AADAC: variants seen among roughly 807,000 people sequenced by gnomAD.
AADAC encodes arylacetamide deacetylase, also known as arylacetamide deacetylase (esterase).
A neutral mutation model predicts 22.7 loss-of-function variants in AADAC; 17 were observed. The ratio of observed to expected loss-of-function variants is 0.75; its 90% CI spans 0.51 to 1.12. The LOEUF is 1.12. Among genes scored for constraint, AADAC ranks in the 50% most tolerant of loss-of-function variants. The pLI is 0.00. For synonymous variants in AADAC, 167 were observed against 176.3 expected (o/e 0.95, Z 0.42); for missense variants, 465 against 473.9 (o/e 0.98, Z 0.17).
chr3:151,816,523 G>A (rs1272590059), intron 1 of AADAC, among the ~76,000 whole-genome samples: 1 of 151,960 alleles, frequency 6.6e-6, no homozygotes, highest in Non-Finnish European at 1.5e-5. Flanking sequence ...CTTGAGAAGA[G>A]CATTTGTCTG....
Position 151,820,467 on chromosome 3 carries a change from GT to G in AADAC, c.431+18del. The G allele has an allele frequency of 6.8e-7, 1 of 1,474,870 alleles. No individual in the cohort carries two copies. Among genetic ancestry groups the G allele is most frequent in the Non-Finnish European group, 9.1e-7 (1 of 1,096,544 alleles). 91.4% of individuals were successfully genotyped at this position (1,474,870 alleles called of 1,614,324 possible). ...GTATCAACCAAGTAAGAGCTGTGCT[GT>G]TTGGTTTCCTGGCCAGATGTCTGAC... On this transcript the variant is annotated intron_variant, in intron 3 of 4. Coordinates refer to ENST00000232892, the MANE Select transcript of AADAC (RefSeq NM_001086.3).
chr3:151,814,605 G>A (rs1231839835), intron 1 of AADAC, among the ~76,000 whole-genome samples: 2 of 151,970 alleles, frequency 1.3e-5, no homozygotes, highest in African/African-American at 2.4e-5. Context: ...CTTATCTTAG[G>A]TATGGTTTGT....
At chr3:151,827,280 A>G (rs1716538130) in intron 4 of AADAC, among the ~76,000 whole-genome samples, 1 of 152,008 alleles carries the variant, frequency 6.6e-6, no homozygotes, top group Non-Finnish European at 1.5e-5. Flanking sequence ...CATTCCTAGC[A>G]GAAAGGAGAT....
chr3:151,826,082 T>G (rs1427152432), intron 4 of AADAC, among the ~76,000 whole-genome samples: 1 of 151,990 alleles, frequency 6.6e-6, no homozygotes, highest in Non-Finnish European at 1.5e-5. Context: ...ATTTGTTTTG[T>G]TAATTATATT....
At chr3:151,825,414 T>C (rs1209244155) in intron 4 of AADAC, among the ~76,000 whole-genome samples, 1 of 151,570 alleles carries the variant, frequency 6.6e-6, no homozygotes, top group Non-Finnish European at 1.5e-5. Flanking sequence ...AAAAATAAAA[T>C]AATATGTGTC....
chr3:151,826,016 T>C (rs986866026), intron 4 of AADAC, among the ~76,000 whole-genome samples: 1 of 151,956 alleles, frequency 6.6e-6, no homozygotes, highest in African/African-American at 2.4e-5. Context: ...TAGATTTTTA[T>C]TAGTTGACTT....
chr3:151,819,296 AAAT>A (rs76310998), intron 2 of AADAC, among the ~76,000 whole-genome samples: 2,384 of 152,076 alleles, frequency 0.016, 87 homozygotes, highest in East Asian at 0.12. Context: ...AAGAAAGAGG[AAAT>A]AATAGAAGTC....
At chr3:151,815,266 A>C (rs1240899253) in intron 1 of AADAC, among the ~76,000 whole-genome samples, 1 of 152,086 alleles carries the variant, frequency 6.6e-6, no homozygotes, top group African/African-American at 2.4e-5. Flanking sequence ...CTTAGGGACC[A>C]GAAGAATGAA....
Position 151,828,139 on chromosome 3 carries a change from T to C in AADAC, c.1167T>C (p.Asn389=). The C allele has an allele frequency of 6.3e-7, 1 of 1,597,782 alleles. No individual in the cohort carries two copies. ...LGLKISHRLI[N]QYIEWLKENL is the part of the protein sequence containing the mutation. ...TTAAAATTAGTCACAGACTTATAAA[T>C]CAGTATATTGAGTGGCTAAAGGAAA... is the stretch of plus-strand genomic sequence containing the variant. The change falls in exon 5 of 5, where the codon AAT becomes AAC. Residue 389 remains asparagine (N), a synonymous_variant. Coordinates refer to ENST00000232892, the MANE Select transcript of AADAC (RefSeq NM_001086.3).
At chr3:151,825,506 C>G (rs530958340) in intron 4 of AADAC, among the ~76,000 whole-genome samples, 3 of 151,782 alleles carry the variant, frequency 2.0e-5, no homozygotes, top group Non-Finnish European at 4.4e-5. Flanking sequence ...GAGATTCAGA[C>G]GAATTCATAT....
Position 151,814,128 on chromosome 3 carries a change from T to G in AADAC, c.-35T>G. ...AGGCATATCATGTAGGTTTACTTTCTGTGTTTCTAGAGACCAAGAAGCGGG... is the reference window on the plus strand; with the variant it reads ...AGGCATATCATGTAGGTTTACTTTCGGTGTTTCTAGAGACCAAGAAGCGGG... On this transcript the variant is annotated 5_prime_UTR_variant, in exon 1 of 5. Coordinates refer to ENST00000232892, the MANE Select transcript of AADAC (RefSeq NM_001086.3). The G allele has an allele frequency of 6.2e-7, 1 of 1,611,706 alleles. No homozygotes were observed. The highest frequency in any genetic ancestry group is 8.5e-7 in the Non-Finnish European group (1 of 1,178,056).
intron 3 of AADAC, 117 bp downstream of exon 3, chr3:151,820,569 G>A (rs1716206158): frequency 1.7e-6 from 1 of 574,802 alleles, no homozygotes; most frequent in African/African-American, 2.1e-5. Flanking sequence ...CCAGGCTGGA[G>A]TGCAGTGGCA....
chr3:151,820,478 TG>T, intron 3 of AADAC, 26 bp downstream of exon 3: 1 of 1,413,018 alleles, frequency 7.1e-7, no homozygotes, highest in Non-Finnish European at 9.5e-7. Flanking sequence ...TTTGGTTTCC[TG>T]GCCAGATGTC....
intron 1 of AADAC, 91 bp downstream of exon 1, chr3:151,814,391 T>C (rs1715894179): frequency 3.1e-6 from 4 of 1,310,230 alleles, no homozygotes; most frequent in Non-Finnish European, 3.1e-6. Context: ...TTTTGATTTA[T>C]TGACTTATTC....
chr3:151,820,932 A>G (rs1296602932), intron 3 of AADAC, among the ~76,000 whole-genome samples: 1 of 150,146 alleles, frequency 6.7e-6, no homozygotes, highest in Admixed American at 6.7e-5. Context: ...TAGAGTTGAG[A>G]AAAAAAAATC....
intron 2 of AADAC, 117 bp downstream of exon 2, chr3:151,817,705 G>A: frequency 4.4e-6 from 4 of 901,504 alleles, no homozygotes; most frequent in East Asian, 2.5e-5. Flanking sequence ...TTATCTTCTC[G>A]TGCTTTGTTC....
chr3:151,822,901 C>T (rs551341409), intron 3 of AADAC, among the ~76,000 whole-genome samples: 59 of 151,490 alleles, frequency 3.9e-4, no homozygotes, highest in Non-Finnish European at 6.2e-4. Context: ...ATGAATATCT[C>T]GGTAAAATGG....
intron 4 of AADAC, 84 bp downstream of exon 4, chr3:151,824,918 T>C (rs1716413734): frequency 9.1e-7 from 1 of 1,102,880 alleles, no homozygotes; most frequent in Non-Finnish European, 1.2e-6. Flanking sequence ...TGAATGCATG[T>C]ATTAAAATAT....
Position 151,820,375 on chromosome 3 carries a change from T to C in AADAC, c.362-8T>C, listed in dbSNP as rs913018627. On this transcript the variant is annotated splice_region_variant and splice_polypyrimidine_tract_variant and intron_variant, in intron 2 of 4. Transcript: ENST00000232892. The stretch of plus-strand genomic sequence containing the variant: ...TACTAATATGTTGCTTTTATCCTTT[T>C]ATTTCAGCTCTAAGTGGTTATGACT... 1 of 1,566,858 alleles carries C rather than the reference T, an allele frequency of 6.4e-7. No homozygotes were observed. The highest frequency in any genetic ancestry group is 8.7e-7 in the Non-Finnish European group (1 of 1,153,782).
Sources: allele counts gnomAD v4.1 joint callset (sites outside exome capture counted in the v4.1 genomes callset), GRCh38; gene constraint gnomAD v4.1.1; transcripts MANE v1.5; gene names NCBI Gene and HGNC (gene_info 2026-07-23, HGNC 2026-07-21).